Variants in NEB observed in about 807,000 individuals in gnomAD.
NEB encodes the protein nebulin.
In NEB, 512 loss-of-function variants were observed where a neutral mutation model predicts 952.2. The observed-to-expected ratio is 0.54, with a 90% CI of 0.50 to 0.58. NEB has a LOEUF of 0.58. Ranked by LOEUF, NEB falls within the 20% of genes least tolerant of loss-of-function variation. The pLI is 0.00. For missense variants in NEB, 8,428 were observed against 9,231.1 expected (o/e 0.91, Z 3.56); for synonymous variants, 2,900 against 3,149.8 (o/e 0.92, Z 2.66).
Position 151,514,424 on chromosome 2 carries a change from T to G in NEB, c.23021A>C (p.Glu7674Ala), listed in dbSNP as rs2153306948. 1.2e-6 allele frequency: 2 copies of G among 1,602,778 alleles called. No individual in the cohort carries two copies. The highest frequency in any genetic ancestry group is 1.7e-6 in the Non-Finnish European group (2 of 1,169,718). Residue 7674 changes from glutamate (E) to alanine (A), a missense_variant, in exon 159 of 182, where the codon GAG (glutamate) becomes GCG (alanine). Glu to Ala is a moderately radical substitution (Grantham distance 107, BLOSUM62 -1). Coordinates refer to ENST00000397345, the MANE Select transcript of NEB (RefSeq NM_001164508.2). ...KYATKIASEK[E>A]YRKDLEESIR... ...GCTTTCCTCTAGATCTTTCCTGTACTCTTTCTATATCATGAAAGAAAAGCA... is the reference window on the plus strand; with the variant it reads ...GCTTTCCTCTAGATCTTTCCTGTACGCTTTCTATATCATGAAAGAAAAGCA...
At chr2:151,664,674 A>G in intron 43 of NEB, 66 bp from the exon 44 acceptor site, 1 of 1,532,360 alleles carries the variant, frequency 6.5e-7, no homozygotes. Context: ...TCCTGACTAC[A>G]AAGTGGTTGG....
intron 34 of NEB, among the ~76,000 whole-genome samples, chr2:151,675,598 T>G (rs1403048615): frequency 6.6e-6 from 1 of 152,164 alleles, no homozygotes; most frequent in East Asian, 1.9e-4. Flanking sequence ...AAAAAATCCT[T>G]AAGAAAATAG....
intron 168 of NEB, among the ~76,000 whole-genome samples, chr2:151,500,764 ATTTTTTCTATT>A (rs2153056361): frequency 6.6e-6 from 1 of 151,712 alleles, no homozygotes; most frequent in South Asian, 2.1e-4. Context: ...CGCTTGGCTA[ATTTTTTCTATT>A]TTTAGCAGAG....
intron 25 of NEB, 139 bp from the exon 26 acceptor site, chr2:151,687,872 T>C (rs2099515222): frequency 2.4e-6 from 2 of 824,088 alleles, no homozygotes; most frequent in East Asian, 2.7e-5. Context: ...GTAGTATAAG[T>C]ATTGATTTAT....
At chr2:151,505,798 G>T (rs546050688) in intron 164 of NEB, 2 of 563,876 alleles carry the variant, frequency 3.5e-6, no homozygotes, top group Admixed American at 6.1e-5. Flanking sequence ...GGGCAGGGAT[G>T]GGGGCCCCTA....
chr2:151,659,977 C>A (rs1334034138), intron 46 of NEB, among the ~76,000 whole-genome samples: 1 of 152,100 alleles, frequency 6.6e-6, no homozygotes, highest in Non-Finnish European at 1.5e-5. Context: ...TGTCATGATC[C>A]TTGTGGTGGA....
chr2:151,581,820 T>C (rs2097108544), intron 102 of NEB, among the ~76,000 whole-genome samples: 1 of 140,236 alleles, frequency 7.1e-6, no homozygotes, highest in African/African-American at 2.6e-5. Flanking sequence ...TCTTTTTGGA[T>C]GTTCTCCGAT....
chr2:151,565,330 A>G (rs545034738), intron 116 of NEB, among the ~76,000 whole-genome samples, 171 bp downstream of exon 116: 2 of 152,346 alleles, frequency 1.3e-5, no homozygotes, highest in Admixed American at 1.3e-4. Flanking sequence ...AAAAGTGAAT[A>G]CAATTCACCA....
chr2:151,505,826 T>C (rs1425433147), intron 164 of NEB: 3 of 547,100 alleles, frequency 5.5e-6, no homozygotes, highest in Non-Finnish European at 9.8e-6. Flanking sequence ...TGCAGCCCTT[T>C]CCTGTATACT....
chr2:151,495,451 C>T (rs184172192), intron 173 of NEB: 103 of 152,338 alleles, frequency 6.8e-4, no homozygotes, highest in African/African-American at 2.3e-3. Context: ...TATTCTGATG[C>T]GTGCTAATGT....
chr2:151,562,758 G>T lies in NEB; in HGVS notation c.18744C>A (p.Pro6248=). ...CCAGCACGTGATTCATCATGTCATTGGGGATATGAACATTTGCTTTGGTAT... is the reference window on the plus strand; with the variant it reads ...CCAGCACGTGATTCATCATGTCATTTGGGATATGAACATTTGCTTTGGTAT... The part of the protein sequence containing the change: ...YEDTKANVHI[P]NDMMNHVLAK... The change falls in exon 120 of 182, where the codon CCC becomes CCA. Residue 6248 remains proline, a synonymous_variant. Coordinates refer to ENST00000397345, the MANE Select transcript of NEB (RefSeq NM_001164508.2). 1 of 1,596,530 alleles carries T rather than the reference G, an allele frequency of 6.3e-7. No homozygotes were observed. Among genetic ancestry groups the T allele is most frequent in the South Asian group, 1.1e-5 (1 of 88,022 alleles).
chr2:151,638,459 G>A (rs2098802218), intron 63 of NEB, among the ~76,000 whole-genome samples: 1 of 152,250 alleles, frequency 6.6e-6, no homozygotes, highest in Non-Finnish European at 1.5e-5. Flanking sequence ...GCACCCTGGT[G>A]CTGCTCTCCA....
chr2:151,506,388 G>A, intron 163 of NEB, 130 bp from the exon 164 acceptor site: 1 of 679,422 alleles, frequency 1.5e-6, no homozygotes, highest in Non-Finnish European at 2.6e-6. Context: ...AAGTGCCAGA[G>A]CATCGCACCT....
chr2:151,724,950 T>G lies in NEB; in HGVS notation c.414A>C (p.Arg138=), dbSNP rs1273669577. ...VQDQLSEVKY[R]MDGDVAKTIC... is the part of the protein sequence containing the mutation. ...TAGTCTTAGCAACATCACCATCCAT[T>G]CGATACTTAACCTGCCCAAATAATG... Residue 138 remains arginine (R), a synonymous_variant, in exon 7 of 182, where the codon CGA becomes CGC. Transcript: ENST00000397345. 2 of 1,613,470 alleles carry G rather than the reference T, an allele frequency of 1.2e-6. No homozygotes were observed. The highest frequency in any genetic ancestry group is 2.7e-5 in the African/African-American group (2 of 74,934).
Position 151,618,208 on chromosome 2 carries a change from T to C in NEB, c.11076+67A>G, listed in dbSNP as rs1164075505. On this transcript the variant is annotated intron_variant, in intron 74 of 181. Coordinates refer to ENST00000397345, the MANE Select transcript of NEB (RefSeq NM_001164508.2). ...TATTATTATCTTTAAAATGCAATAA[T>C]ATATCAGAATTTTTAAATTGTTCTG... 6 of 1,373,266 alleles carry C rather than the reference T, an allele frequency of 4.4e-6. No individual in the cohort carries two copies. The African/African-American group carries it at 5.8e-5, about 13-fold the overall frequency. The allele number at this position is 1,373,266 out of a possible 1,614,324, so 85.1% of individuals were successfully genotyped here.
intron 3 of NEB, among the ~76,000 whole-genome samples, chr2:151,732,798 C>T (rs922487316): frequency 6.6e-6 from 1 of 152,156 alleles, no homozygotes; most frequent in Non-Finnish European, 1.5e-5. Context: ...CTCTTCGTCT[C>T]TGTCCCTTTG....
intron 62 of NEB, 122 bp downstream of exon 62, chr2:151,639,735 A>G: frequency 2.5e-6 from 2 of 791,888 alleles, no homozygotes; most frequent in Non-Finnish European, 3.9e-6. Flanking sequence ...AAGCCAATAG[A>G]TACATAGACA....
chr2:151,729,689 A>G (rs375622138), intron 3 of NEB, 33 bp from the exon 4 acceptor site: 2 of 1,610,702 alleles, frequency 1.2e-6, no homozygotes, highest in African/African-American at 2.7e-5. Flanking sequence ...TTGGCAAGAG[A>G]ACCAAAGCAG....
intron 70 of NEB, among the ~76,000 whole-genome samples, chr2:151,625,839 AAT>A: frequency 6.6e-6 from 1 of 152,142 alleles, no homozygotes; most frequent in East Asian, 1.9e-4. Flanking sequence ...TGAAAAGAAA[AAT>A]ATATATATAC....
Sources: allele counts gnomAD v4.1 joint callset (sites outside exome capture counted in the v4.1 genomes callset), GRCh38; gene constraint gnomAD v4.1.1; transcripts MANE v1.5; gene names NCBI Gene and HGNC (gene_info 2026-07-23, HGNC 2026-07-21).